WDR11: variants seen among roughly 807,000 people sequenced by gnomAD.
WDR11 encodes WD repeat domain 11.
WDR11 carries 83 observed loss-of-function variants against 151.2 expected under a neutral mutation model. The ratio of observed to expected loss-of-function variants is 0.55; its 90% CI spans 0.46 to 0.66. WDR11 has a LOEUF of 0.66. Among genes scored for constraint, WDR11 ranks in the 30% least tolerant of loss-of-function variants. WDR11 has a pLI of 0.00. For missense variants in WDR11, 1,301 were observed against 1,480.9 expected (o/e 0.88, Z 1.99); for synonymous variants, 484 against 533.1 (o/e 0.91, Z 1.27).
rs1030772746 is a variant in WDR11, at chr10:120,862,858, C to T, written c.650C>T (p.Thr217Ile). Residue 217 changes from threonine (T) to isoleucine (I), a missense_variant, in exon 5 of 29, where the codon ACA (threonine) becomes ATA (isoleucine). Around this residue, in one of 3 missense-constraint regions of WDR11, gnomAD observed 692 missense variants for 762.5 expected, o/e 0.91. Transcript: ENST00000263461. ...HSSPAHNKLA[T>I]ATGAKKALNK... ...AGCCCAGCTCATAACAAGCTGGCCA[C>T]AGCCACAGGTGCCAAGAAAGCTCTA... 6.2e-7 allele frequency: 1 copy of T among 1,614,098 alleles called. No homozygotes were observed. The highest frequency in any genetic ancestry group is 1.3e-5 in the African/African-American group (1 of 75,032).
At chr10:120,888,005 A>G (rs942992301) in intron 16 of WDR11, among the ~76,000 whole-genome samples, 2 of 152,086 alleles carry the variant, frequency 1.3e-5, no homozygotes, top group East Asian at 3.9e-4. Flanking sequence ...TTTCTTGACT[A>G]TTACCAGAGT....
At chr10:120,871,406 T>C in intron 10 of WDR11, 60 bp downstream of exon 10, 1 of 1,528,344 alleles carries the variant, frequency 6.5e-7, no homozygotes, top group Non-Finnish European at 9.0e-7. Flanking sequence ...TTAGGTTTTC[T>C]AGTTTCTAGA....
At chr10:120,865,014 TC>T in intron 5 of WDR11, 32 bp from the exon 6 acceptor site, 1 of 1,611,314 alleles carries the variant, frequency 6.2e-7, no homozygotes, top group Non-Finnish European at 8.5e-7. Flanking sequence ...ATAAATGAAG[TC>T]TTTGACCCAA....
chr10:120,906,734 G>A (rs1017011150), intron 27 of WDR11, 42 bp from the exon 28 acceptor site: 1 of 1,613,746 alleles, frequency 6.2e-7, no homozygotes, highest in African/African-American at 1.3e-5. Context: ...CACCAGTGAT[G>A]TAAATCACAA....
Position 120,906,838 on chromosome 10 carries a change from A to C in WDR11, c.3500A>C (p.Glu1167Ala). ...GCTTGCCTCAAGTATGGAGCATTTGAAGTCACTGAGGACACAGATATCCTT... is the reference window on the plus strand; with the variant it reads ...GCTTGCCTCAAGTATGGAGCATTTGCAGTCACTGAGGACACAGATATCCTT... ...VEACLKYGAF[E>A]VTEDTEKLIT... The change falls in exon 28 of 29, where the codon GAA becomes GCA. Residue 1167 changes from glutamate to alanine, a missense_variant. Glu to Ala is a moderately radical substitution (Grantham distance 107, BLOSUM62 -1). This residue lies in a region of WDR11 where 589 missense variants were observed against 670.6 expected (regional missense o/e 0.88). Coordinates refer to ENST00000263461, the MANE Select transcript of WDR11 (RefSeq NM_018117.12). The C allele has an allele frequency of 6.2e-7, 1 of 1,614,210 alleles. No individual in the cohort carries two copies. The highest frequency in any genetic ancestry group is 1.1e-5 in the South Asian group (1 of 91,090).
intron 25 of WDR11, 150 bp downstream of exon 25, chr10:120,904,961 A>G: frequency 1.1e-6 from 1 of 948,476 alleles, no homozygotes; most frequent in Non-Finnish European, 1.6e-6. Context: ...AGATGAATAT[A>G]ATTGTCTAAA....
In WDR11 at chr10:120,886,721, T is replaced by G; in HGVS notation, c.2006T>G (p.Leu669Arg). 1 of 1,614,000 alleles carries G rather than the reference T, an allele frequency of 6.2e-7. No homozygotes were observed. Among genetic ancestry groups the G allele is most frequent in the South Asian group, 1.1e-5 (1 of 91,068 alleles). ...CAGGAGGCAGAAAGTAAATCTGAAC[T>G]TAGTCAGAACATCTCTGCCCGGGAA... ...LLQEAESKSELSQNISAREHF... is the reference protein window; with the variant it reads ...LLQEAESKSERSQNISAREHF... The change falls in exon 16 of 29, where the codon CTT becomes CGT. Residue 669 changes from leucine to arginine, a missense_variant. Coordinates refer to ENST00000263461, the MANE Select transcript of WDR11 (RefSeq NM_018117.12).
rs1846319738 is a variant in WDR11, at chr10:120,866,586, G to T, written c.1012G>T (p.Glu338Ter). ...ATGTGAAGATCCAGATCCAGTTCAG[G>T]AGCTTACCTATGATTTACGAAGCCA... The part of the protein sequence containing the change: ...NEEPDPDPVQ[E>*]LTYDLRSQCD... The change falls in exon 8 of 29, where the codon GAG (glutamate) becomes TAG (stop). Residue 338 changes from glutamate (E) to a stop codon, truncating the protein, a stop_gained. Coordinates refer to ENST00000263461, the MANE Select transcript of WDR11 (RefSeq NM_018117.12). LOFTEE classifies it high-confidence loss of function. 6.2e-7 allele frequency: 1 copy of T among 1,613,954 alleles called. No individual in the cohort carries two copies. The highest frequency in any genetic ancestry group is 1.1e-5 in the South Asian group (1 of 91,064).
chr10:120,851,792 T>A (rs574361384), intron 1 of WDR11: 10 of 528,926 alleles, frequency 1.9e-5, no homozygotes, highest in Admixed American at 1.3e-4. Context: ...CTCTCTCTTT[T>A]CCTCTCCTCC....
chr10:120,877,898 C>T (rs913140634), intron 11 of WDR11, among the ~76,000 whole-genome samples: 4 of 152,130 alleles, frequency 2.6e-5, no homozygotes, highest in Non-Finnish European at 5.9e-5. Flanking sequence ...TTATGAATAT[C>T]TGTTGAATAT....
intron 4 of WDR11, 115 bp downstream of exon 4, chr10:120,860,397 C>T (rs1846101289): frequency 2.4e-6 from 3 of 1,242,550 alleles, no homozygotes; most frequent in Non-Finnish European, 3.4e-6. Flanking sequence ...AATGACTGAG[C>T]GAAGTGGAGA....
Position 120,903,070 on chromosome 10 carries a change from A to G in WDR11, c.2769A>G (p.Glu923=), listed in dbSNP as rs1564723996. 1 of 1,614,088 alleles carries G rather than the reference A, an allele frequency of 6.2e-7. No homozygotes were observed. Among genetic ancestry groups the G allele is most frequent in the South Asian group, 1.1e-5 (1 of 91,066 alleles). The part of the protein sequence containing the change: ...CLLVSRLYGD[E]SELHFWTVAA... ...TCCTTGCCAGGCTCTATGGTGATGAATCGGAGCTGCACTTCTGGACTGTCG... is the reference window on the plus strand; with the variant it reads ...TCCTTGCCAGGCTCTATGGTGATGAGTCGGAGCTGCACTTCTGGACTGTCG... The change falls in exon 23 of 29, where the codon GAA becomes GAG. Residue 923 remains glutamate, a synonymous_variant. Transcript: ENST00000263461.
intron 21 of WDR11, among the ~76,000 whole-genome samples, chr10:120,901,864 C>T (rs1847832800): frequency 6.6e-6 from 1 of 152,170 alleles, no homozygotes; most frequent in Non-Finnish European, 1.5e-5. Context: ...TCCTTAGATA[C>T]TTTATTTTTG....
At chr10:120,894,044 C>G (rs574442863) in intron 19 of WDR11, among the ~76,000 whole-genome samples, 1 of 151,522 alleles carries the variant, frequency 6.6e-6, no homozygotes, top group African/African-American at 2.4e-5. Flanking sequence ...TCAATTTTGG[C>G]TTTTGTTGCC....
intron 1 of WDR11, chr10:120,852,275 CCTCGGGTCTCTATTTTCA>C (rs1845804860): frequency 2.2e-6 from 1 of 448,628 alleles, no homozygotes; most frequent in Non-Finnish European, 4.1e-6. Flanking sequence ...CTTTTTATGT[CCTCGGGTCTCTATTTTCA>C]TATCTTTTAG....
intron 9 of WDR11, among the ~76,000 whole-genome samples, chr10:120,870,780 A>AG (rs1339704067): frequency 6.6e-6 from 1 of 152,226 alleles, no homozygotes; most frequent in African/African-American, 2.4e-5. Context: ...CCCTTTCAAA[A>AG]GGCAGTAAAA....
chr10:120,904,889 A>C lies in WDR11; in HGVS notation c.3193+78A>C, dbSNP rs932070537. On this transcript the variant is annotated intron_variant, in intron 25 of 28. Coordinates refer to ENST00000263461, the MANE Select transcript of WDR11 (RefSeq NM_018117.12). ...CCAGCAAAGTATCTGATTAGTAGGG[A>C]CATTTCTTTCTCTTTTACATATGCT... is the stretch of plus-strand genomic sequence containing the variant. 465 of 1,529,048 alleles carry C rather than the reference A, an allele frequency of 3.0e-4. 1 individual carries two copies. Among genetic ancestry groups the C allele is most frequent in the Non-Finnish European group, 2.4e-4 (264 of 1,105,388 alleles). The allele number at this position is 1,529,048 out of a possible 1,614,324, so 94.7% of individuals were successfully genotyped here. A position where few individuals can be genotyped will look rare whatever the true frequency, so the allele number is the denominator to read the frequency against.
At position 120,862,770 on chromosome 10, in the gene WDR11, T is replaced by G; in HGVS notation, c.562T>G (p.Phe188Val). The change falls in exon 5 of 29, where the codon TTC (phenylalanine) becomes GTC (valine). Residue 188 changes from phenylalanine to valine, a missense_variant. Phe to Val is a conservative substitution (Grantham distance 50). This residue lies in a region of WDR11 where 692 missense variants were observed against 762.5 expected (regional missense o/e 0.91). Coordinates refer to ENST00000263461, the MANE Select transcript of WDR11 (RefSeq NM_018117.12). ...TSEGIVFISD[F>V]SPSKPPSGPG... is the part of the protein sequence containing the mutation. ...CGAGGGTATTGTTTTCATCTCAGACTTCTCCCCATCCAAGCCTCCCTCAGG... is the reference window on the plus strand; with the variant it reads ...CGAGGGTATTGTTTTCATCTCAGACGTCTCCCCATCCAAGCCTCCCTCAGG... The G allele has an allele frequency of 1.2e-6, 2 of 1,614,162 alleles. No individual in the cohort carries two copies. Among genetic ancestry groups the G allele is most frequent in the Non-Finnish European group, 1.7e-6 (2 of 1,180,018 alleles).
At chr10:120,874,721 C>G (rs528218599) in intron 11 of WDR11, among the ~76,000 whole-genome samples, 151 of 152,114 alleles carry the variant, frequency 9.9e-4, no homozygotes, top group Non-Finnish European at 1.7e-3. Flanking sequence ...CCATCCATAT[C>G]CCTGCAAAGG....
Sources: gnomAD v4.1 joint callset for allele counts (sites outside exome capture counted in the v4.1 genomes callset) on GRCh38, gnomAD v4.1.1 for gene constraint, gnomAD v4.1.1 regional missense constraint, MANE v1.5 for transcripts, NCBI Gene and HGNC (gene_info 2026-07-23, HGNC 2026-07-21) for gene names.